The following PRKN variants were observed in gnomAD, a reference collection of about 807,000 sequenced individuals.
PRKN encodes parkin RBR E3 ubiquitin protein ligase.
In PRKN, 56 loss-of-function variants were observed where a neutral mutation model predicts 59.5. That is an observed-to-expected ratio of 0.94 (90% CI 0.76 to 1.18). The LOEUF (loss-of-function observed/expected upper bound fraction) is 1.18, where lower values mean the gene tolerates loss of function less well. Among genes scored for constraint, PRKN ranks in the 50% most tolerant of loss-of-function variants. PRKN has a pLI of 0.00. For missense variants in PRKN, 657 were observed against 596.4 expected, an observed-to-expected ratio of 1.10 and a Z score of -1.06; for synonymous variants, 250 against 222.1, an observed-to-expected ratio of 1.13 and a Z score of -1.12.
chr6:161,593,884 G>C lies in PRKN; in HGVS notation c.872-24468C>G, dbSNP rs1478780847. On this transcript the variant is annotated intron_variant, in intron 7 of 11. Transcript: ENST00000366898. The surrounding 1 kb of genome is among the most constrained non-coding windows in gnomAD (Gnocchi z 4.8). The stretch of plus-strand genomic sequence containing the variant: ...TGACTGCTGGAGGCCGGGCGCAGTG[G>C]CTCATGCCTGTAATCCCAGCACTTT... Among the ~76,000 whole-genome samples, 1 of 152,058 alleles carries C rather than the reference G, an allele frequency of 6.6e-6. No individual in the cohort carries two copies. The highest frequency in any genetic ancestry group is 6.5e-5 in the Admixed American group (1 of 15,274).
chr6:161,914,495 T>A (rs1778480450), intron 6 of PRKN, among the ~76,000 whole-genome samples: 3 of 152,136 alleles, frequency 2.0e-5, no homozygotes. Context: ...GAAGACTTAC[T>A]TTTTATACTA....
chr6:162,341,135 G>A (rs1291756425), intron 2 of PRKN, among the ~76,000 whole-genome samples: 6 of 151,956 alleles, frequency 3.9e-5, no homozygotes, highest in Admixed American at 1.3e-4. Flanking sequence ...ACATTTATGC[G>A]GCCAAGAAAC....
Position 162,443,381 on chromosome 6 carries a change from G to T in PRKN, c.100C>A (p.Gln34Lys). 1 of 1,613,782 alleles carries T rather than the reference G, an allele frequency of 6.2e-7. No individual in the cohort carries two copies. The change falls in exon 2 of 12, where the codon CAG becomes AAG. Residue 34 changes from glutamine (Q) to lysine (K), a missense_variant. Transcript: ENST00000366898. ...CGCAACTGGTCAGCCGGAACCCCCTGTCGCTTAGCAACCACCTCCTTGAGC... is the reference window on the plus strand; with the variant it reads ...CGCAACTGGTCAGCCGGAACCCCCTTTCGCTTAGCAACCACCTCCTTGAGC... ...FQLKEVVAKR[Q>K]GVPADQLRVI...
rs1340365136 is a variant in PRKN at position 161,459,792 on chromosome 6, C to G, written c.1084-72915G>C. On this transcript the variant is annotated intron_variant, in intron 9 of 11. Coordinates refer to ENST00000366898, the MANE Select transcript of PRKN (RefSeq NM_004562.3). The surrounding 1 kb of genome is among the most constrained non-coding windows in gnomAD (Gnocchi z 4.8). ...AGTTATTTGGTTTTCTCTTTGTCTC[C>G]TTCTTCATAATTTAGAGGCTTTCAA... Among the ~76,000 whole-genome samples, 1 of 152,052 alleles carries G rather than the reference C, an allele frequency of 6.6e-6. No homozygotes were observed. Among genetic ancestry groups the G allele is most frequent in the African/African-American group, 2.4e-5 (1 of 41,398 alleles).
chr6:161,777,371 A>C (rs1176602547), intron 7 of PRKN, among the ~76,000 whole-genome samples: 1 of 152,222 alleles, frequency 6.6e-6, no homozygotes, highest in East Asian at 1.9e-4. Context: ...GCCAGTTTTA[A>C]TTATTCACCA....
intron 4 of PRKN, among the ~76,000 whole-genome samples, chr6:162,150,046 C>A (rs537596797): frequency 1.3e-5 from 2 of 152,190 alleles, no homozygotes; most frequent in Non-Finnish European, 2.9e-5. Flanking sequence ...TCTTCACATG[C>A]AGATTCCTGA....
chr6:161,722,733 T>G (rs1344277314), intron 7 of PRKN, among the ~76,000 whole-genome samples: 2 of 152,208 alleles, frequency 1.3e-5, no homozygotes, highest in Non-Finnish European at 1.5e-5. Flanking sequence ...AAATGGTGTT[T>G]TATTCTTCTT....
chr6:161,763,995 T>C (rs1789318126), intron 7 of PRKN, among the ~76,000 whole-genome samples: 1 of 152,182 alleles, frequency 6.6e-6, no homozygotes, highest in South Asian at 2.1e-4. Flanking sequence ...ACTTCTCTTA[T>C]ATGAAGCTTC....
chr6:162,054,433 C>T (rs1002473274), intron 4 of PRKN, among the ~76,000 whole-genome samples: 2 of 152,186 alleles, frequency 1.3e-5, no homozygotes, highest in Admixed American at 6.5e-5. Context: ...ATAGCCTCCC[C>T]CTACGGCTGA....
intron 2 of PRKN, among the ~76,000 whole-genome samples, chr6:162,361,403 T>C (rs1362116090): frequency 6.6e-6 from 1 of 150,888 alleles, no homozygotes; most frequent in Non-Finnish European, 1.5e-5. Flanking sequence ...CTTGATAAGA[T>C]GAAAAAAAAA....
chr6:162,351,993 G>A (rs1028205163), intron 2 of PRKN, among the ~76,000 whole-genome samples: 5 of 152,112 alleles, frequency 3.3e-5, no homozygotes, highest in African/African-American at 7.2e-5. Flanking sequence ...GCAAGCTTTT[G>A]AGCCACCCCC....
At position 161,527,349 on chromosome 6, in the gene PRKN, T is replaced by C. The variant is rs189619929; in HGVS notation, c.1083+21505A>G. The stretch of plus-strand genomic sequence containing the variant: ...AGCCCCAACGGCATCAAGTATGAAC[T>C]TGGAGCCAGGGCTTTGGTGTACATT... On this transcript the variant is annotated intron_variant, in intron 9 of 11. Coordinates refer to ENST00000366898, the MANE Select transcript of PRKN (RefSeq NM_004562.3). This position sits in a 1 kb window ranked among gnomAD's most constrained non-coding sequence, Gnocchi z 4.6. Among the ~76,000 whole-genome samples, 1 of 152,298 alleles carries C rather than the reference T, an allele frequency of 6.6e-6. No homozygotes were observed. Among genetic ancestry groups the C allele is most frequent in the Non-Finnish European group, 1.5e-5 (1 of 68,024 alleles).
At chr6:161,490,314 TTG>T (rs1777501486) in intron 9 of PRKN, among the ~76,000 whole-genome samples, 15 of 26,702 alleles carry the variant, frequency 5.6e-4, no homozygotes, top group African/African-American at 8.8e-4. Context: ...TCTTTCTTGC[TTG>T]CTTGCTTGCT....
intron 4 of PRKN, among the ~76,000 whole-genome samples, chr6:162,057,743 T>C (rs1235175423): frequency 1.3e-5 from 2 of 152,200 alleles, no homozygotes; most frequent in Admixed American, 1.3e-4. Flanking sequence ...GATTAGGCAA[T>C]TTAGGTTTTA....
In PRKN at chr6:161,389,340, A is replaced by G. The variant is rs149088747; in HGVS notation, c.1084-2463T>C. ...AGGAAAAGCATTTTATAAGGAAACA[A>G]TCTCTTCAGAGATATGCCACAATTG... On this transcript the variant is annotated intron_variant, in intron 9 of 11. Coordinates refer to ENST00000366898, the MANE Select transcript of PRKN (RefSeq NM_004562.3). 6.6e-5 allele frequency among the ~76,000 whole-genome samples: 10 copies of G among 152,344 alleles called. No homozygotes were observed. The East Asian group carries it at 1.3e-3, about 21-fold the overall frequency.
At chr6:161,723,252 G>A (rs971673137) in intron 7 of PRKN, among the ~76,000 whole-genome samples, 2 of 149,740 alleles carry the variant, frequency 1.3e-5, no homozygotes, top group African/African-American at 2.5e-5. Context: ...CTGGGCAACA[G>A]AGCAAGACTC....
At chr6:161,858,055 C>T (rs1442878274) in intron 6 of PRKN, among the ~76,000 whole-genome samples, 10 of 152,136 alleles carry the variant, frequency 6.6e-5, no homozygotes, top group African/African-American at 1.7e-4. Context: ...TGCCATAATT[C>T]CTTCTCACAC....
At chr6:162,166,567 T>C (rs1156694718) in intron 4 of PRKN, among the ~76,000 whole-genome samples, 2 of 152,228 alleles carry the variant, frequency 1.3e-5, no homozygotes, top group African/African-American at 4.8e-5. Flanking sequence ...TTTGTCATGG[T>C]GTTCATGTTG....
chr6:162,246,069 A>G (rs941077553), intron 3 of PRKN, among the ~76,000 whole-genome samples: 2 of 152,152 alleles, frequency 1.3e-5, no homozygotes, highest in Non-Finnish European at 2.9e-5. Flanking sequence ...TTGCGTCTAC[A>G]TATCTGTAAT....
Sources: gnomAD v4.1 joint callset for allele counts (sites outside exome capture counted in the v4.1 genomes callset) on GRCh38, gnomAD v4.1.1 for gene constraint, Gnocchi (gnomAD v3.1) non-coding constraint, MANE v1.5 for transcripts, NCBI Gene and HGNC (gene_info 2026-07-23, HGNC 2026-07-21) for gene names.